GPD2: variants seen among roughly 807,000 people sequenced by gnomAD.
GPD2 encodes the protein glycerol-3-phosphate dehydrogenase 2, also known as glycerol-3-phosphate dehydrogenase, mitochondrial.
Under a neutral mutation model 82.4 loss-of-function variants are expected in GPD2, and 54 were observed. The ratio of observed to expected loss-of-function variants is 0.66; its 90% CI spans 0.53 to 0.82. The LOEUF (loss-of-function observed/expected upper bound fraction) is 0.82. GPD2 is among the 40% of genes least tolerant of loss of function. The pLI is 0.00. For synonymous variants in GPD2, 288 were observed against 306.1 expected (o/e 0.94, Z 0.62); for missense variants, 748 against 896.2 (o/e 0.83, Z 2.11).
intron 2 of GPD2, 22 bp from the exon 3 acceptor site, chr2:156,496,022 A>G: frequency 6.3e-7 from 1 of 1,596,354 alleles, no homozygotes; most frequent in Non-Finnish European, 8.6e-7. Context: ...GGACAACTGA[A>G]AGTGATCTGC....
At chr2:156,521,911 T>A (rs538371958) in intron 6 of GPD2, among the ~76,000 whole-genome samples, 1 of 152,364 alleles carries the variant, frequency 6.6e-6, no homozygotes, top group South Asian at 2.1e-4. Flanking sequence ...ATTTCTCCTC[T>A]TGTTTTCTAT....
intron 1 of GPD2, among the ~76,000 whole-genome samples, chr2:156,445,463 T>C (rs899315233): frequency 2.0e-5 from 3 of 152,358 alleles, no homozygotes; most frequent in South Asian, 2.1e-4. Flanking sequence ...AGTTCACCAG[T>C]TTTCACCAAT....
chr2:156,496,010 A>G (rs755453568), intron 2 of GPD2, 34 bp from the exon 3 acceptor site: 6 of 1,559,564 alleles, frequency 3.8e-6, no homozygotes, highest in Non-Finnish European at 5.3e-6. Context: ...GACATTCCAA[A>G]TGGACAACTG....
At chr2:156,569,060 C>A in intron 10 of GPD2, 101 bp downstream of exon 10, 1 of 969,942 alleles carries the variant, frequency 1.0e-6, no homozygotes, top group African/African-American at 1.7e-5. Context: ...AACTCCTGGA[C>A]TAAGGTGATT....
intron 3 of GPD2, among the ~76,000 whole-genome samples, chr2:156,499,608 A>T (rs139598702): frequency 1.6e-3 from 242 of 152,240 alleles, no homozygotes; most frequent in Non-Finnish European, 2.5e-3. Flanking sequence ...TATAGTTTTT[A>T]AAAAAATAGA....
At chr2:156,441,346 G>A (rs1452733898) in intron 1 of GPD2, among the ~76,000 whole-genome samples, 1 of 152,180 alleles carries the variant, frequency 6.6e-6, no homozygotes, top group Non-Finnish European at 1.5e-5. Flanking sequence ...GAGCTCAGGT[G>A]TTTGAGATCA....
chr2:156,482,147 A>G (rs966822288), intron 2 of GPD2, among the ~76,000 whole-genome samples: 1 of 152,244 alleles, frequency 6.6e-6, no homozygotes, highest in Non-Finnish European at 1.5e-5. Flanking sequence ...TGCTCTTGTC[A>G]CTAGAGATCT....
rs186349840 is a variant in GPD2, at chr2:156,578,783, G to C, written c.1768-106G>C. ...AGAAATAAAAAAATTGTGCTGGTTA[G>C]ATAAGTAAGGATCAACTTCATTTTC... On this transcript the variant is annotated intron_variant, in intron 13 of 16. Coordinates refer to ENST00000438166, the MANE Select transcript of GPD2 (RefSeq NM_000408.5). 19 of 744,314 alleles carry C rather than the reference G, an allele frequency of 2.6e-5. No individual in the cohort carries two copies. In the East Asian group the frequency reaches 4.9e-4, roughly 19 times the overall value. 46.1% of individuals were successfully genotyped at this position (744,314 alleles called of 1,614,324 possible).
the GPD2 span, among the ~76,000 whole-genome samples, chr2:156,405,330 G>A: frequency 6.6e-6 from 1 of 152,208 alleles, no homozygotes; most frequent in Non-Finnish European, 1.5e-5. Flanking sequence ...TGCCTGCTAG[G>A]TGGTTAGATC....
At chr2:156,475,163 G>A (rs1683462986) in intron 1 of GPD2, among the ~76,000 whole-genome samples, 1 of 152,046 alleles carries the variant, frequency 6.6e-6, no homozygotes, top group Non-Finnish European at 1.5e-5. Flanking sequence ...AATATACAGT[G>A]AGTGCTTGAT....
chr2:156,518,763 A>T (rs1046182093), intron 6 of GPD2, among the ~76,000 whole-genome samples: 4 of 152,238 alleles, frequency 2.6e-5, no homozygotes, highest in African/African-American at 2.4e-5. Flanking sequence ...CACTATTTGT[A>T]AACAGAGTTG....
At chr2:156,576,226 A>G (rs7586190) in intron 13 of GPD2, among the ~76,000 whole-genome samples, 3,869 of 152,264 alleles carry the variant, frequency 0.025, 102 homozygotes, top group African/African-American at 0.067. Context: ...AATAGAAATC[A>G]TATATCTAGA....
At chr2:156,451,738 G>A (rs1275243460) in intron 1 of GPD2, among the ~76,000 whole-genome samples, 3 of 148,066 alleles carry the variant, frequency 2.0e-5, no homozygotes, top group Middle Eastern at 3.6e-3. Context: ...CTGGCCGGGC[G>A]GGGGGCTGAC....
the GPD2 span, among the ~76,000 whole-genome samples, chr2:156,404,183 C>T: frequency 6.6e-6 from 1 of 151,736 alleles, no homozygotes; most frequent in South Asian, 2.1e-4. Flanking sequence ...GCCTGGGCAA[C>T]ATAGTGAGAC....
intron 1 of GPD2, among the ~76,000 whole-genome samples, chr2:156,452,755 G>A (rs1185377171): frequency 6.6e-6 from 1 of 152,150 alleles, no homozygotes; most frequent in Non-Finnish European, 1.5e-5. Flanking sequence ...AGAGAGTGGT[G>A]GGTAATTGTA....
At chr2:156,472,389 C>T (rs746873231) in intron 1 of GPD2, among the ~76,000 whole-genome samples, 3 of 152,150 alleles carry the variant, frequency 2.0e-5, no homozygotes, top group Non-Finnish European at 2.9e-5. Flanking sequence ...GGCGCAGTCT[C>T]GGCTCACTGC....
intron 2 of GPD2, among the ~76,000 whole-genome samples, chr2:156,489,468 G>A (rs1325840164): frequency 6.6e-6 from 1 of 152,058 alleles, no homozygotes; most frequent in African/African-American, 2.4e-5. Flanking sequence ...GCCTTCTTGG[G>A]TCTGTATAAG....
chr2:156,521,194 A>G (rs1685394756), intron 6 of GPD2, among the ~76,000 whole-genome samples: 1 of 152,252 alleles, frequency 6.6e-6, no homozygotes, highest in Non-Finnish European at 1.5e-5. Flanking sequence ...TTGAAAGTGC[A>G]TGAACTGTAA....
At chr2:156,485,518 A>G (rs1424481823) in intron 2 of GPD2, among the ~76,000 whole-genome samples, 1 of 152,248 alleles carries the variant, frequency 6.6e-6, no homozygotes, top group African/African-American at 2.4e-5. Flanking sequence ...TATGCAATGT[A>G]GGCGAGTTGT....
Sources: allele counts gnomAD v4.1 joint callset (sites outside exome capture counted in the v4.1 genomes callset), GRCh38; gene constraint gnomAD v4.1.1; transcripts MANE v1.5; gene names NCBI Gene and HGNC (gene_info 2026-07-23, HGNC 2026-07-21).